Variants in USP40 observed in about 807,000 individuals in gnomAD.
USP40 encodes the protein ubiquitin specific peptidase 40.
A neutral mutation model predicts 166.2 loss-of-function variants in USP40; 143 were observed. The ratio of observed to expected loss-of-function variants is 0.86; its 90% CI spans 0.75 to 0.99. USP40 has a LOEUF of 0.99. Among genes scored for constraint, USP40 ranks in the 50% least tolerant of loss-of-function variants. USP40 has a pLI of 0.00. For missense variants in USP40, 1,444 were observed against 1,479.7 expected (o/e 0.98, Z 0.40); for synonymous variants, 498 against 524.0 (o/e 0.95, Z 0.68).
intron 8 of USP40, among the ~76,000 whole-genome samples, chr2:233,543,958 C>G (rs968520857): frequency 5.3e-5 from 8 of 152,202 alleles, no homozygotes; most frequent in African/African-American, 1.9e-4. Flanking sequence ...CTCCAATTCT[C>G]TGACATCAAC....
At chr2:233,540,627 G>T in intron 10 of USP40, 35 bp downstream of exon 10, 2 of 1,388,264 alleles carry the variant, frequency 1.4e-6, no homozygotes, top group South Asian at 2.5e-5. Flanking sequence ...AAATTTCTTG[G>T]GACTAGGACT....
At chr2:233,533,813 A>C in intron 10 of USP40, 34 bp from the exon 11 acceptor site, 1 of 1,487,196 alleles carries the variant, frequency 6.7e-7, no homozygotes, top group South Asian at 1.3e-5. Context: ...TGCTAAGTTA[A>C]TTATTTAAAC....
chr2:233,480,489 A>C lies in USP40; in HGVS notation c.3599+714T>G, dbSNP rs2064501389. On this transcript the variant is annotated intron_variant, in intron 31 of 31. Transcript: ENST00000678225. The surrounding 1 kb of genome is among the most constrained non-coding windows in gnomAD (Gnocchi z 4.5). The stretch of plus-strand genomic sequence containing the variant: ...CAGTGCGAACTGAGCCTCACGCCCC[A>C]GTTCCGGGTGTGTGGCCTGGAGGCC... Among the ~76,000 whole-genome samples the C allele has an allele frequency of 6.6e-6, 1 of 152,182 alleles. No individual in the cohort carries two copies. Among genetic ancestry groups the C allele is most frequent in the African/African-American group, 2.4e-5 (1 of 41,450 alleles).
chr2:233,519,079 A>C (rs1183441551), intron 18 of USP40, among the ~76,000 whole-genome samples: 1 of 152,234 alleles, frequency 6.6e-6, no homozygotes, highest in Admixed American at 6.5e-5. Context: ...ATAGAGACAG[A>C]AAGCAGATTA....
At chr2:233,527,289 G>A (rs2068098598) in intron 13 of USP40, 118 bp downstream of exon 13, 2 of 1,174,578 alleles carry the variant, frequency 1.7e-6, no homozygotes, top group Non-Finnish European at 2.3e-6. Context: ...AGTGGCAGAT[G>A]TCAGATCTTC....
At chr2:233,566,647 G>T in intron 1 of USP40, 37 bp downstream of exon 1, 2 of 973,744 alleles carry the variant, frequency 2.1e-6, no homozygotes, top group South Asian at 9.5e-5. Flanking sequence ...CGCTTCCCAC[G>T]TCCCTCCCAG....
chr2:233,512,520 A>C, intron 19 of USP40, 49 bp downstream of exon 19: 3 of 1,354,502 alleles, frequency 2.2e-6, no homozygotes, highest in Non-Finnish European at 3.0e-6. Flanking sequence ...TTTATCAAGA[A>C]AGACAGACGA....
intron 19 of USP40, 113 bp downstream of exon 19, chr2:233,512,456 T>C: frequency 1.8e-6 from 1 of 556,926 alleles, no homozygotes; most frequent in Non-Finnish European, 2.9e-6. Context: ...AAATATGTCC[T>C]ATAAATCAGT....
At chr2:233,539,728 G>A (rs2069226137) in intron 10 of USP40, among the ~76,000 whole-genome samples, 1 of 151,646 alleles carries the variant, frequency 6.6e-6, no homozygotes. Context: ...AACCCAAGTA[G>A]CTAGAAAAAG....
chr2:233,562,655 T>A, intron 3 of USP40, 81 bp downstream of exon 3: 2 of 1,042,164 alleles, frequency 1.9e-6, no homozygotes, highest in Non-Finnish European at 2.6e-6. Flanking sequence ...GCATGGCACA[T>A]GTATACATAT....
At chr2:233,506,754 A>AAG (rs1553561651) in intron 21 of USP40, among the ~76,000 whole-genome samples, 37 of 149,070 alleles carry the variant, frequency 2.5e-4, no homozygotes, top group Non-Finnish European at 4.5e-4. Context: ...AAAAAAAAAA[A>AAG]AAAAAAAATA....
intron 17 of USP40, among the ~76,000 whole-genome samples, chr2:233,519,950 A>G (rs2067541055): frequency 6.6e-6 from 1 of 152,192 alleles, no homozygotes; most frequent in Non-Finnish European, 1.5e-5. Context: ...TACAGAAACT[A>G]AAGAAACTAG....
chr2:233,514,593 C>T (rs2067058724), intron 18 of USP40, among the ~76,000 whole-genome samples: 1 of 152,010 alleles, frequency 6.6e-6, no homozygotes, highest in Non-Finnish European at 1.5e-5. Flanking sequence ...AACCTAAGTG[C>T]AATGGAAAGC....
intron 8 of USP40, 135 bp downstream of exon 8, chr2:233,548,966 G>A (rs1454745761): frequency 2.6e-6 from 2 of 761,788 alleles, no homozygotes; most frequent in Non-Finnish European, 4.0e-6. Flanking sequence ...ACTTGTATCT[G>A]TATTAACTTT....
chr2:233,500,288 C>T (rs1007617864), intron 21 of USP40, among the ~76,000 whole-genome samples: 15 of 152,096 alleles, frequency 9.9e-5, no homozygotes, highest in Admixed American at 4.6e-4. Flanking sequence ...CTATAAAAGG[C>T]GAGATTGATA....
chr2:233,556,070 C>T (rs1231799297), intron 5 of USP40, among the ~76,000 whole-genome samples: 1 of 149,724 alleles, frequency 6.7e-6, no homozygotes, highest in Non-Finnish European at 1.5e-5. Context: ...GAGCTGAGAT[C>T]GTGCCACTGC....
intron 8 of USP40, among the ~76,000 whole-genome samples, chr2:233,542,985 T>C (rs368040314): frequency 6.6e-6 from 1 of 152,236 alleles, no homozygotes; most frequent in East Asian, 1.9e-4. Flanking sequence ...CTTCATCCCG[T>C]ATGGTCTCAT....
intron 20 of USP40, among the ~76,000 whole-genome samples, chr2:233,510,418 T>TTTTTTTTG (rs2066735123): frequency 6.9e-6 from 1 of 145,796 alleles, no homozygotes; most frequent in Non-Finnish European, 1.5e-5. Context: ...TTTTTTTTTT[T>TTTTTTTTG]TGAGATGGAG....
chr2:233,505,097 A>C (rs1316169575), intron 21 of USP40, among the ~76,000 whole-genome samples: 4 of 152,138 alleles, frequency 2.6e-5, no homozygotes, highest in Non-Finnish European at 5.9e-5. Context: ...CCAAAGAACC[A>C]ATAAGTCAAT....
Sources: gnomAD v4.1 joint callset for allele counts (sites outside exome capture counted in the v4.1 genomes callset) on GRCh38, gnomAD v4.1.1 for gene constraint, Gnocchi (gnomAD v3.1) non-coding constraint, MANE v1.5 for transcripts, NCBI Gene and HGNC (gene_info 2026-07-23, HGNC 2026-07-21) for gene names.